Variants in ACOT11 observed in about 807,000 individuals in gnomAD.
ACOT11 encodes the protein acyl-coenzyme A thioesterase 11.
ACOT11 carries 69 observed loss-of-function variants against 77.5 expected under a neutral mutation model. That is an observed-to-expected ratio of 0.89 (90% CI 0.73 to 1.09). The LOEUF (loss-of-function observed/expected upper bound fraction) is 1.09. Among genes scored for constraint, ACOT11 ranks in the 50% least tolerant of loss-of-function variants. The probability of loss-of-function intolerance (pLI) is 0.00; values close to 1 mark genes in which losing one functional copy is unlikely to be tolerated. For synonymous variants in ACOT11, 279 were observed against 313.0 expected, an observed-to-expected ratio of 0.89 and a Z score of 1.15; for missense variants, 766 against 813.7, an observed-to-expected ratio of 0.94 and a Z score of 0.71.
At chr1:54,614,316 G>A (rs1644148932), downstream of ACOT11, among the ~76,000 whole-genome samples, 1 of 152,144 alleles carries the variant, frequency 6.6e-6, no homozygotes, top group Admixed American at 6.5e-5. Flanking sequence ...CTGGTCACTG[G>A]GGAATACAAG....
chr1:54,562,524 G>A (rs1300230657), intron 1 of ACOT11, among the ~76,000 whole-genome samples: 3 of 91,748 alleles, frequency 3.3e-5, no homozygotes, highest in East Asian at 2.9e-4. Flanking sequence ...CGGATGGGGC[G>A]GCTGGCCGGG....
exon 17 of ACOT11, chr1:54,638,174 G>T (rs1306154851): frequency 1.3e-5 from 2 of 152,076 alleles, no homozygotes; most frequent in Non-Finnish European, 2.9e-5. Flanking sequence ...GGCTGGGCAT[G>T]AATAGATTGA....
chr1:54,612,772 G>T (rs766396499), downstream of ACOT11: 266 of 1,298,224 alleles, frequency 2.0e-4, no homozygotes, highest in Non-Finnish European at 2.8e-4. Flanking sequence ...TCTCCTCTGG[G>T]GTCTCATCAC....
intron 16 of ACOT11, among the ~76,000 whole-genome samples, chr1:54,631,990 G>A (rs1644302293): frequency 6.6e-6 from 1 of 152,152 alleles, no homozygotes; most frequent in Admixed American, 6.5e-5. Context: ...ACTGAGAGTG[G>A]ATAAAGGAAA....
chr1:54,626,790 A>G lies in ACOT11; in HGVS notation c.1630-3944A>G, dbSNP rs142325802. ...GTCCATGAGGGCACCCCCTGCACAA[A>G]CCATTCTCATTTTGGAACTGCTGCT... is the stretch of plus-strand genomic sequence containing the variant. On this transcript the variant is annotated intron_variant, in intron 15 of 16. Transcript: ENST00000371316. Among the ~76,000 whole-genome samples, 415 of 135,396 alleles carry G rather than the reference A, an allele frequency of 3.1e-3. 63 individuals carry two copies. Among genetic ancestry groups the G allele is most frequent in the African/African-American group, 9.7e-3 (386 of 39,802 alleles). 88.8% of individuals were successfully genotyped at this position (135,396 alleles called of 152,430 possible).
intron 6 of ACOT11, among the ~76,000 whole-genome samples, chr1:54,596,722 C>T (rs540288692): frequency 9.7e-4 from 147 of 152,202 alleles, no homozygotes; most frequent in Admixed American, 2.2e-3. Context: ...TACAGGCACT[C>T]GCCACCATGC....
At chr1:54,631,860 T>C (rs775493237) in intron 16 of ACOT11, among the ~76,000 whole-genome samples, 1 of 152,210 alleles carries the variant, frequency 6.6e-6, no homozygotes, top group Non-Finnish European at 1.5e-5. Flanking sequence ...CTAATCCCGA[T>C]GGCCAGGCTG....
chr1:54,599,286 GCCT>G lies in ACOT11; in HGVS notation c.765-5_765-3del, dbSNP rs1643935589. 1.3e-6 allele frequency: 2 copies of G among 1,513,134 alleles called. No homozygotes were observed. The highest frequency in any genetic ancestry group is 8.9e-7 in the Non-Finnish European group (1 of 1,124,322). The allele number at this position is 1,513,134 out of a possible 1,614,324, so 93.7% of individuals were successfully genotyped here. On this transcript the variant is annotated splice_region_variant and splice_polypyrimidine_tract_variant and intron_variant, in intron 7 of 15. Transcript: ENST00000343744. ...GCATTCCTTCTGTCTCCCCACCCCT[GCCT>G]CCTCAGCCGGCTCTGCCGTGCCCAC...
At chr1:54,572,022 A>G (rs1185199516) in intron 1 of ACOT11, among the ~76,000 whole-genome samples, 1 of 151,980 alleles carries the variant, frequency 6.6e-6, no homozygotes, top group African/African-American at 2.4e-5. Context: ...CTGCAGCCAG[A>G]ATTTGGCCAG....
chr1:54,609,130 A>C lies in ACOT11; in HGVS notation c.*18A>C, dbSNP rs770760522. On this transcript the variant is annotated 3_prime_UTR_variant, in exon 16 of 16. Coordinates refer to ENST00000343744, the MANE Select transcript of ACOT11 (RefSeq NM_147161.4). The stretch of plus-strand genomic sequence containing the variant: ...CCCTCTAGATGCCCTCAGTGGCCAC[A>C]TCATGCCCACTCCCACTCCATCCTG... 6.2e-7 allele frequency: 1 copy of C among 1,613,906 alleles called. No individual in the cohort carries two copies. Among genetic ancestry groups the C allele is most frequent in the Non-Finnish European group, 8.5e-7 (1 of 1,179,888 alleles).
intron 16 of ACOT11, among the ~76,000 whole-genome samples, chr1:54,634,130 A>G (rs1480975845): frequency 6.6e-6 from 1 of 152,220 alleles, no homozygotes; most frequent in Non-Finnish European, 1.5e-5. Flanking sequence ...CCCTCTCACA[A>G]AGGCACAAAT....
At chr1:54,615,396 G>A (rs1259336591) in intron 15 of ACOT11, among the ~76,000 whole-genome samples, 2 of 152,128 alleles carry the variant, frequency 1.3e-5, no homozygotes, top group African/African-American at 4.8e-5. Flanking sequence ...GGGGAGCCAC[G>A]GAGGGTTAAA....
At chr1:54,596,290 C>A (rs1049229001) in intron 6 of ACOT11, among the ~76,000 whole-genome samples, 1 of 152,018 alleles carries the variant, frequency 6.6e-6, no homozygotes, top group Admixed American at 6.5e-5. Flanking sequence ...TGTCTGTGGT[C>A]TCTCTGAGAG....
intron 1 of ACOT11, among the ~76,000 whole-genome samples, chr1:54,574,544 C>T (rs1244586282): frequency 2.6e-5 from 4 of 152,192 alleles, no homozygotes; most frequent in African/African-American, 9.6e-5. Flanking sequence ...TCCTTTGCAC[C>T]TCACAACAAT....
At chr1:54,597,555 G>T (rs1643903865) in intron 7 of ACOT11, 140 bp downstream of exon 7, 6 of 1,101,482 alleles carry the variant, frequency 5.4e-6, no homozygotes, top group Non-Finnish European at 7.5e-6. Context: ...TCAGAGAAAT[G>T]AATTTTTGTG....
chr1:54,584,803 G>A lies in ACOT11; in HGVS notation c.182G>A (p.Arg61His). The A allele has an allele frequency of 2.5e-6, 4 of 1,614,080 alleles. No homozygotes were observed. Among genetic ancestry groups the A allele is most frequent in the East Asian group, 2.2e-5 (1 of 44,882 alleles). ...QLVLPCHTNQ[R>H]GELSVGQLLK... ...GTGCTGCCCTGCCACACCAACCAAC[G>A]TGGTGAGCTGAGCGTCGGGCAGCTG... Residue 61 changes from arginine to histidine, a missense_variant, in exon 2 of 16, where the codon CGT (arginine) becomes CAT (histidine). Arg to His is a conservative substitution (Grantham distance 29). Coordinates refer to ENST00000343744, the MANE Select transcript of ACOT11 (RefSeq NM_147161.4). This position sits in a 1 kb window ranked among gnomAD's most constrained non-coding sequence, Gnocchi z 6.3.
Position 54,620,845 on chromosome 1 carries a change from CAAAAAAAAAAAAAAAAAA to C in ACOT11, c.1630-9874_1630-9857del, listed in dbSNP as rs767625864. 1.5e-3 allele frequency among the ~76,000 whole-genome samples: 18 copies of C among 12,136 alleles called. 1 individual carries two copies. Among genetic ancestry groups the C allele is most frequent in the African/African-American group, 4.1e-3 (13 of 3,200 alleles). The allele number at this position is 12,136 out of a possible 152,430, so 8.0% of individuals were successfully genotyped here. On this transcript the variant is annotated intron_variant, in intron 15 of 16. Transcript: ENST00000371316. ...CCTGGATGACACAAAGAGACTCTGTCAAAAAAAAAAAAAAAAAAAAAAAAAAAAAAAAGGCTGGGTTTG... is the reference window on the plus strand; with the variant it reads ...CCTGGATGACACAAAGAGACTCTGTCAAAAAAAAAAAAAAGGCTGGGTTTG...
chr1:54,575,364 C>T (rs1043902924), intron 1 of ACOT11, among the ~76,000 whole-genome samples: 3 of 152,152 alleles, frequency 2.0e-5, no homozygotes, highest in African/African-American at 7.2e-5. Context: ...CAAGATGACC[C>T]ACAGAGGGTA....
chr1:54,555,354 T>G (rs1653223253), intron 1 of ACOT11, among the ~76,000 whole-genome samples: 1 of 152,216 alleles, frequency 6.6e-6, no homozygotes, highest in Non-Finnish European at 1.5e-5. Flanking sequence ...TGTTGAGCAT[T>G]TTTTTCATAT....
Sources: allele counts gnomAD v4.1 joint callset (sites outside exome capture counted in the v4.1 genomes callset), GRCh38; gene constraint gnomAD v4.1.1; non-coding constraint Gnocchi (gnomAD v3.1); transcripts MANE v1.5; gene names NCBI Gene and HGNC (gene_info 2026-07-23, HGNC 2026-07-21).